The following XKR6 variants were observed in gnomAD, a reference collection of about 807,000 sequenced individuals.
XKR6 encodes the protein XK-related protein 6.
In XKR6, 22 loss-of-function variants were observed where a neutral mutation model predicts 56.7. That is an observed-to-expected ratio of 0.39 (90% CI 0.28 to 0.55). The LOEUF (loss-of-function observed/expected upper bound fraction) is 0.55. XKR6 is among the 20% of genes least tolerant of loss of function. The probability of loss-of-function intolerance (pLI) is 0.66; values close to 1 mark genes in which losing one functional copy is unlikely to be tolerated. For missense variants in XKR6, 852 were observed against 889.0 expected (o/e 0.96, Z 0.53); for synonymous variants, 524 against 387.8 (o/e 1.35, Z -4.13).
intron 1 of XKR6, among the ~76,000 whole-genome samples, chr8:11,169,065 A>C (rs1439746608): frequency 6.6e-6 from 1 of 152,124 alleles, no homozygotes; most frequent in East Asian, 1.9e-4. Flanking sequence ...CTTTCACTTC[A>C]GCTCCTGAGT....
chr8:10,898,474 G>A lies in XKR6; in HGVS notation c.1404C>T (p.Thr468=), dbSNP rs1586279102. 1.9e-6 allele frequency: 3 copies of A among 1,613,734 alleles called. No individual in the cohort carries two copies. The highest frequency in any genetic ancestry group is 2.7e-5 in the African/African-American group (2 of 74,926). Residue 468 remains threonine (T), a synonymous_variant, in exon 3 of 3, where the codon ACC becomes ACT. Transcript: ENST00000416569. The surrounding 1 kb of genome is among the most constrained non-coding windows in gnomAD (Gnocchi z 6.6). ...GTGCTGGCACCGCATAGGAGTCAGT[G>A]GTCTCCGGGTCTCTGTAAAAATACC... ...FLWYFYRDPE[T]TDSYAVPALC... is the part of the protein sequence containing the mutation.
intron 1 of XKR6, among the ~76,000 whole-genome samples, chr8:11,079,767 C>T (rs987363574): frequency 2.8e-4 from 43 of 152,124 alleles, no homozygotes; most frequent in African/African-American, 9.7e-4. Flanking sequence ...TGAGACCAGC[C>T]TGGGCAATAT....
intron 1 of XKR6, among the ~76,000 whole-genome samples, chr8:10,952,262 T>G (rs1801750006): frequency 6.6e-6 from 1 of 152,030 alleles, no homozygotes; most frequent in Non-Finnish European, 1.5e-5. Flanking sequence ...AATGGGGTAG[T>G]GACCTGGGAG....
intron 1 of XKR6, among the ~76,000 whole-genome samples, chr8:10,925,933 C>A (rs1285640443): frequency 6.6e-6 from 1 of 152,134 alleles, no homozygotes; most frequent in Non-Finnish European, 1.5e-5. Context: ...AGGGCTCACC[C>A]AGAAGCAAGG....
chr8:11,189,138 T>C (rs1803418942), intron 1 of XKR6, among the ~76,000 whole-genome samples: 1 of 152,326 alleles, frequency 6.6e-6, no homozygotes, highest in East Asian at 1.9e-4. Context: ...TCCTCTTTCA[T>C]TCACCAGTTT....
chr8:11,082,933 T>C (rs1797772670), intron 1 of XKR6, among the ~76,000 whole-genome samples: 1 of 152,202 alleles, frequency 6.6e-6, no homozygotes, highest in Admixed American at 6.5e-5. Context: ...TTATTTCTCG[T>C]CTTTATAGCT....
intron 1 of XKR6, chr8:11,138,025 A>C (rs1251232837): frequency 3.7e-6 from 1 of 267,842 alleles, no homozygotes; most frequent in African/African-American, 2.3e-5. Flanking sequence ...TCAGAGCAGA[A>C]GGGTGGGATC....
chr8:11,120,940 G>C (rs1318941707), intron 1 of XKR6, among the ~76,000 whole-genome samples: 1 of 152,194 alleles, frequency 6.6e-6, no homozygotes, highest in East Asian at 1.9e-4. Flanking sequence ...ATGGGGAAAG[G>C]ATTCCCTATT....
At chr8:11,063,796 A>G (rs570636456) in intron 1 of XKR6, among the ~76,000 whole-genome samples, 23 of 152,174 alleles carry the variant, frequency 1.5e-4, no homozygotes, top group Non-Finnish European at 2.9e-4. Context: ...CCCACCTGCA[A>G]CTTGCACCTG....
chr8:11,086,344 C>T (rs1797890577), intron 1 of XKR6, among the ~76,000 whole-genome samples: 1 of 151,934 alleles, frequency 6.6e-6, no homozygotes, highest in East Asian at 1.9e-4. Context: ...CTCATGAGAC[C>T]CAGCCCAAAG....
chr8:10,957,812 A>T (rs943640577), intron 1 of XKR6, among the ~76,000 whole-genome samples: 1 of 152,112 alleles, frequency 6.6e-6, no homozygotes, highest in Non-Finnish European at 1.5e-5. Flanking sequence ...ATCCACACAG[A>T]TCATGTTGGT....
Position 10,960,058 on chromosome 8 carries a change from T to C in XKR6, c.765-35228A>G, listed in dbSNP as rs1802014908. Among the ~76,000 whole-genome samples the C allele has an allele frequency of 3.3e-5, 5 of 152,204 alleles. No individual in the cohort carries two copies. In the South Asian group the frequency reaches 1.0e-3, roughly 32 times the overall value. ...ACCTGGCACCTTGTGTGTCTCACCC[T>C]AATCCTGGCCCTGTCCATGACTCAG... On this transcript the variant is annotated intron_variant, in intron 1 of 2. Coordinates refer to ENST00000416569, the MANE Select transcript of XKR6 (RefSeq NM_173683.4).
At chr8:11,051,256 C>T (rs903631988) in intron 1 of XKR6, among the ~76,000 whole-genome samples, 2 of 151,964 alleles carry the variant, frequency 1.3e-5, no homozygotes, top group Non-Finnish European at 2.9e-5. Context: ...CCTGCTGGTT[C>T]CCCCACCTCC....
intron 1 of XKR6, among the ~76,000 whole-genome samples, chr8:11,189,819 T>C (rs1803456246): frequency 6.6e-6 from 1 of 152,164 alleles, no homozygotes; most frequent in Non-Finnish European, 1.5e-5. Context: ...AGATCTCAAA[T>C]ATCTGGCTCC....
In XKR6 at chr8:11,200,608, G is replaced by T; in HGVS notation, c.732C>A (p.Val244=). 6.5e-7 allele frequency: 1 copy of T among 1,541,596 alleles called. No individual in the cohort carries two copies. ...CCTGCCCCATCTGCAGCAGGTGGAT[G>T]ACCGACTGCCAGATCCACACGGAGA... is the stretch of plus-strand genomic sequence containing the variant. ...CRLSVWIWQS[V]IHLLQMGQVW... Residue 244 remains valine (V), a synonymous_variant, in exon 1 of 3, where the codon GTC becomes GTA. Coordinates refer to ENST00000416569, the MANE Select transcript of XKR6 (RefSeq NM_173683.4). The surrounding 1 kb of genome is among the most constrained non-coding windows in gnomAD (Gnocchi z 6.4).
intron 1 of XKR6, among the ~76,000 whole-genome samples, chr8:11,039,009 T>A (rs1414911920): frequency 1.3e-5 from 2 of 151,922 alleles, no homozygotes; most frequent in Non-Finnish European, 2.9e-5. Flanking sequence ...GCAGGGCGGG[T>A]GGGCACTGAG....
At chr8:11,003,994 G>T (rs1314292390) in intron 1 of XKR6, among the ~76,000 whole-genome samples, 1 of 152,166 alleles carries the variant, frequency 6.6e-6, no homozygotes, top group African/African-American at 2.4e-5. Context: ...GGAAGGGCGG[G>T]TGGCTGTGGA....
rs1157911259 is a variant in XKR6 at position 11,013,447 on chromosome 8, G to A, written c.765-88617C>T. Among the ~76,000 whole-genome samples the A allele has an allele frequency of 2.0e-5, 3 of 152,218 alleles. No individual in the cohort carries two copies. In the South Asian group the frequency reaches 6.2e-4, roughly 32 times the overall value. On this transcript the variant is annotated intron_variant, in intron 1 of 2. Coordinates refer to ENST00000416569, the MANE Select transcript of XKR6 (RefSeq NM_173683.4). ...GCTCTCATGTTTATTTGAGATATGT[G>A]TTAGGTTTCCCCAGCTGCCTCTAGG...
intron 1 of XKR6, among the ~76,000 whole-genome samples, chr8:11,177,338 A>C (rs531624000): frequency 3.3e-5 from 5 of 152,320 alleles, no homozygotes; most frequent in East Asian, 1.9e-4. Flanking sequence ...ACCTACACTC[A>C]AACTTCAAGG....
Sources: allele counts gnomAD v4.1 joint callset (sites outside exome capture counted in the v4.1 genomes callset), GRCh38; gene constraint gnomAD v4.1.1; non-coding constraint Gnocchi (gnomAD v3.1); transcripts MANE v1.5; gene names NCBI Gene and HGNC (gene_info 2026-07-23, HGNC 2026-07-21).